SDCCAG8: variants seen among roughly 807,000 people sequenced by gnomAD.
The protein encoded by SDCCAG8 is serologically defined colon cancer antigen 8.
A neutral mutation model predicts 101.8 loss-of-function variants in SDCCAG8; 74 were observed. The ratio of observed to expected loss-of-function variants is 0.73; its 90% confidence interval spans 0.60 to 0.88. SDCCAG8 has a LOEUF of 0.88. SDCCAG8 is among the 40% of genes least tolerant of loss of function. The pLI is 0.00. For synonymous variants in SDCCAG8, 281 were observed against 292.9 expected, an observed-to-expected ratio of 0.96 and a Z score of 0.41; for missense variants, 787 against 822.6, an observed-to-expected ratio of 0.96 and a Z score of 0.53.
chr1:243,275,416 T>C (rs1000206926), intron 4 of SDCCAG8, among the ~76,000 whole-genome samples: 14 of 152,152 alleles, frequency 9.2e-5, no homozygotes, highest in African/African-American at 3.4e-4. Context: ...TTATGTATTA[T>C]ATTGTTGACA....
At chr1:243,389,109 C>T (rs1030071707) in intron 13 of SDCCAG8, among the ~76,000 whole-genome samples, 6 of 151,644 alleles carry the variant, frequency 4.0e-5, no homozygotes, top group African/African-American at 9.7e-5. Context: ...TGATTGCCAT[C>T]GCACTCCAGC....
intron 13 of SDCCAG8, among the ~76,000 whole-genome samples, chr1:243,398,065 A>G (rs1009397520): frequency 4.6e-5 from 7 of 152,216 alleles, no homozygotes; most frequent in African/African-American, 1.4e-4. Flanking sequence ...AAAAATGATG[A>G]CAATGCACAA....
intron 16 of SDCCAG8, among the ~76,000 whole-genome samples, chr1:243,443,946 T>A (rs1445905731): frequency 1.3e-5 from 2 of 152,196 alleles, no homozygotes; most frequent in Admixed American, 6.5e-5. Flanking sequence ...ATTTTCAGAC[T>A]CTTGGAACTC....
At chr1:243,409,961 T>C (rs1461375232) in intron 13 of SDCCAG8, among the ~76,000 whole-genome samples, 1 of 152,196 alleles carries the variant, frequency 6.6e-6, no homozygotes, top group African/African-American at 2.4e-5. Flanking sequence ...AAATTACCTC[T>C]TACTTATTAG....
intron 10 of SDCCAG8, among the ~76,000 whole-genome samples, chr1:243,331,826 G>C (rs941614763): frequency 3.3e-5 from 5 of 152,292 alleles, no homozygotes; most frequent in Non-Finnish European, 7.4e-5. Flanking sequence ...GGCTGGGAAT[G>C]TTGTAGTCAC....
At chr1:243,373,267 C>G (rs1187254637) in intron 12 of SDCCAG8, among the ~76,000 whole-genome samples, 2 of 151,930 alleles carry the variant, frequency 1.3e-5, no homozygotes. Flanking sequence ...TGTCTTCAAC[C>G]CAAAATTTCT....
intron 12 of SDCCAG8, among the ~76,000 whole-genome samples, chr1:243,355,461 A>G (rs542290278): frequency 7.2e-5 from 11 of 152,202 alleles, no homozygotes; most frequent in Non-Finnish European, 1.6e-4. Flanking sequence ...TCATATCTTT[A>G]AAGAAAGTGT....
intron 16 of SDCCAG8, among the ~76,000 whole-genome samples, chr1:243,449,322 A>T (rs2083177757): frequency 1.3e-5 from 2 of 152,242 alleles, no homozygotes; most frequent in African/African-American, 4.8e-5. Context: ...AATGAATTAT[A>T]TATTTTCCAA....
chr1:243,268,098 T>C, intron 1 of SDCCAG8: 1 of 709,838 alleles, frequency 1.4e-6, no homozygotes, highest in Non-Finnish European at 2.6e-6. Flanking sequence ...GTATAGTTCC[T>C]CATTTTCTTT....
chr1:243,409,045 T>C (rs1173497515), intron 13 of SDCCAG8, among the ~76,000 whole-genome samples: 4 of 152,128 alleles, frequency 2.6e-5, no homozygotes, highest in Admixed American at 6.6e-5. Flanking sequence ...CTCCATTGCC[T>C]CTCAAGGTGT....
rs182831210 is a variant in SDCCAG8, at chr1:243,374,008, T to C, written c.1474-4713T>C. Reference sequence around the variant, plus strand: ...AACATATAATAAGCAAAGGAAAACATTTAAATACTGTATATTCTAATAGGT... The same window carrying C: ...AACATATAATAAGCAAAGGAAAACACTTAAATACTGTATATTCTAATAGGT... On this transcript the variant is annotated intron_variant, in intron 12 of 17. Transcript: ENST00000366541. Among the ~76,000 whole-genome samples, 286 of 152,112 alleles carry C rather than the reference T, an allele frequency of 1.9e-3. 2 individuals are homozygous for C. Among genetic ancestry groups the C allele is most frequent in the East Asian group, 8.9e-3 (46 of 5,166 alleles).
At chr1:243,484,788 G>A (rs942139299) in intron 16 of SDCCAG8, among the ~76,000 whole-genome samples, 19 of 152,210 alleles carry the variant, frequency 1.2e-4, no homozygotes, top group Admixed American at 1.2e-3. Context: ...GCTCACGCCT[G>A]TAATCCCAGC....
intron 13 of SDCCAG8, among the ~76,000 whole-genome samples, chr1:243,395,448 A>C (rs1298991620): frequency 1.3e-5 from 2 of 152,184 alleles, no homozygotes; most frequent in African/African-American, 4.8e-5. Flanking sequence ...TATTTTTGAA[A>C]TTTCCTCCAC....
intron 13 of SDCCAG8, among the ~76,000 whole-genome samples, chr1:243,382,266 A>G (rs1339604760): frequency 1.3e-5 from 2 of 152,120 alleles, no homozygotes; most frequent in Non-Finnish European, 2.9e-5. Context: ...GGACTCAGAG[A>G]GCAGTGTGGA....
chr1:243,279,027 A>C (rs2068807231), intron 4 of SDCCAG8, among the ~76,000 whole-genome samples: 1 of 152,070 alleles, frequency 6.6e-6, no homozygotes, highest in Admixed American at 6.6e-5. Context: ...CTGGGCTCAA[A>C]CAGTCCTCCT....
intron 8 of SDCCAG8, among the ~76,000 whole-genome samples, chr1:243,311,779 C>T (rs2072754281): frequency 6.6e-6 from 1 of 150,486 alleles, no homozygotes; most frequent in Admixed American, 6.6e-5. Context: ...AAAAAAAAAA[C>T]TCAGCCAAGA....
intron 6 of SDCCAG8, among the ~76,000 whole-genome samples, chr1:243,295,416 T>C (rs2070772302): frequency 6.6e-6 from 1 of 152,128 alleles, no homozygotes; most frequent in Non-Finnish European, 1.5e-5. Flanking sequence ...TTTTGTATTT[T>C]TAGTAGAGAC....
intron 12 of SDCCAG8, among the ~76,000 whole-genome samples, chr1:243,359,803 A>G (rs912569677): frequency 5.9e-5 from 9 of 152,200 alleles, no homozygotes; most frequent in African/African-American, 2.2e-4. Context: ...TAGTATCTAA[A>G]TGAGATGACT....
chr1:243,459,639 ACT>A (rs1478789746), intron 16 of SDCCAG8, among the ~76,000 whole-genome samples: 2 of 152,120 alleles, frequency 1.3e-5, no homozygotes, highest in Non-Finnish European at 2.9e-5. Context: ...ACAGGGTTTA[ACT>A]CTGTTGTGCA....
Sources: allele counts gnomAD v4.1 joint callset (sites outside exome capture counted in the v4.1 genomes callset), GRCh38; gene constraint gnomAD v4.1.1; transcripts MANE v1.5; gene names NCBI Gene and HGNC (gene_info 2026-07-23, HGNC 2026-07-21).